The following FBN2 variants were observed in gnomAD, a reference collection of about 807,000 sequenced individuals.
FBN2 encodes the protein fibrillin-2.
In FBN2, 105 loss-of-function variants were observed where a neutral mutation model predicts 355.6. The ratio of observed to expected loss-of-function variants is 0.30; its 90% CI spans 0.25 to 0.35. The LOEUF (loss-of-function observed/expected upper bound fraction) is 0.35, where lower values mean the gene tolerates loss of function less well. FBN2 is among the 10% of genes least tolerant of loss of function. The pLI, the probability that FBN2 is intolerant of heterozygous loss-of-function variation, is 1.00. For missense variants in FBN2, 3,280 were observed against 3,758.7 expected, an observed-to-expected ratio of 0.87 and a Z score of 3.33; for synonymous variants, 1,350 against 1,301.2, an observed-to-expected ratio of 1.04 and a Z score of -0.81.
chr5:128,290,088 T>C, intron 50 of FBN2, 141 bp from the exon 51 acceptor site: 1 of 675,532 alleles, frequency 1.5e-6, no homozygotes, highest in Non-Finnish European at 2.7e-6. Context: ...CTTTTATTTT[T>C]ATGATTTATT....
At chr5:128,520,826 T>A (rs949406209) in intron 4 of FBN2, among the ~76,000 whole-genome samples, 2 of 152,180 alleles carry the variant, frequency 1.3e-5, no homozygotes, top group Non-Finnish European at 2.9e-5. Context: ...ACCCTTCTGC[T>A]TCTTTACCTA....
In FBN2 at chr5:128,265,730, G is replaced by A. The variant is rs77239144; in HGVS notation, c.7961-2074C>T. Among the ~76,000 whole-genome samples the A allele has an allele frequency of 2.8e-3, 423 of 152,326 alleles. 1 individual carries two copies. The highest frequency in any genetic ancestry group is 4.5e-3 in the Non-Finnish European group (305 of 68,034). ...ATCTGTACACTCTATCTACCAGAACGTTGTAAATTCTTTGTGACAACTGGC... is the reference window on the plus strand; with the variant it reads ...ATCTGTACACTCTATCTACCAGAACATTGTAAATTCTTTGTGACAACTGGC... On this transcript the variant is annotated intron_variant, in intron 62 of 64. Transcript: ENST00000262464.
chr5:128,414,081 G>C (rs1244294253), intron 7 of FBN2, among the ~76,000 whole-genome samples: 2 of 152,090 alleles, frequency 1.3e-5, no homozygotes, highest in East Asian at 3.9e-4. Context: ...CAAAAGCATG[G>C]TGTGTATCAA....
chr5:128,274,937 A>G (rs1394058771), intron 59 of FBN2, among the ~76,000 whole-genome samples: 1 of 152,260 alleles, frequency 6.6e-6, no homozygotes, highest in African/African-American at 2.4e-5. Flanking sequence ...GCAGAATCAT[A>G]GCAGTTTCCA....
At chr5:128,340,963 C>A (rs1038662005) in intron 25 of FBN2, among the ~76,000 whole-genome samples, 1 of 152,014 alleles carries the variant, frequency 6.6e-6, no homozygotes, top group African/African-American at 2.4e-5. Context: ...AGAGATGAAG[C>A]GCACCGGTGA....
intron 32 of FBN2, 75 bp downstream of exon 32, chr5:128,332,837 G>C (rs1750728949): frequency 7.2e-7 from 1 of 1,396,498 alleles, no homozygotes; most frequent in African/African-American, 1.4e-5. Flanking sequence ...TGAAGAGCAT[G>C]ATTCTACAAC....
chr5:128,401,999 A>T (rs1034700692), intron 8 of FBN2, among the ~76,000 whole-genome samples: 5 of 152,166 alleles, frequency 3.3e-5, no homozygotes, highest in African/African-American at 1.2e-4. Flanking sequence ...TCATTTCTTG[A>T]GCCAAAACCT....
At chr5:128,331,630 G>A (rs1167392290) in intron 32 of FBN2, among the ~76,000 whole-genome samples, 1 of 152,172 alleles carries the variant, frequency 6.6e-6, no homozygotes, top group East Asian at 1.9e-4. Flanking sequence ...GAGGGCCAGA[G>A]AGGGAACAAG....
chr5:128,452,012 G>T (rs572381594), intron 6 of FBN2, among the ~76,000 whole-genome samples: 16 of 152,118 alleles, frequency 1.1e-4, no homozygotes, highest in Non-Finnish European at 2.1e-4. Flanking sequence ...CTGCAGTTAT[G>T]TAGAATTAAT....
At chr5:128,381,825 G>A (rs568051611) in intron 11 of FBN2, among the ~76,000 whole-genome samples, 1 of 152,186 alleles carries the variant, frequency 6.6e-6, no homozygotes, top group South Asian at 2.1e-4. Flanking sequence ...CACTTATATA[G>A]ACTCTTTGAA....
intron 64 of FBN2, 101 bp downstream of exon 64, chr5:128,261,635 T>G: frequency 1.0e-6 from 1 of 980,768 alleles, no homozygotes; most frequent in East Asian, 2.4e-5. Context: ...AAATTCAAGG[T>G]ATGATTAACT....
At chr5:128,425,028 T>TC (rs1554068252) in intron 7 of FBN2, among the ~76,000 whole-genome samples, 6 of 151,944 alleles carry the variant, frequency 3.9e-5, no homozygotes, top group Non-Finnish European at 5.9e-5. Flanking sequence ...TTTTTTTTTT[T>TC]TCTCTCTCTG....
chr5:128,428,487 A>C (rs1753537917), intron 7 of FBN2, among the ~76,000 whole-genome samples: 2 of 151,832 alleles, frequency 1.3e-5, no homozygotes, highest in Admixed American at 6.6e-5. Flanking sequence ...GGGTGCCTCT[A>C]CCTCAGGGGC....
intron 7 of FBN2, among the ~76,000 whole-genome samples, chr5:128,444,362 G>A (rs907601658): frequency 2.6e-5 from 4 of 152,104 alleles, no homozygotes; most frequent in South Asian, 2.1e-4. Context: ...GTGAGCCACC[G>A]CGCCCGGCCC....
intron 6 of FBN2, among the ~76,000 whole-genome samples, chr5:128,457,319 A>G (rs1754419519): frequency 6.6e-6 from 1 of 152,194 alleles, no homozygotes; most frequent in African/African-American, 2.4e-5. Flanking sequence ...GACCTAACCT[A>G]CGATTGACTG....
chr5:128,461,644 A>T (rs1023442750), intron 6 of FBN2, among the ~76,000 whole-genome samples: 7 of 152,336 alleles, frequency 4.6e-5, no homozygotes, highest in African/African-American at 1.7e-4. Context: ...AATGTGGTAC[A>T]TATACACCAT....
intron 11 of FBN2, among the ~76,000 whole-genome samples, chr5:128,381,919 G>C (rs1752244305): frequency 6.6e-6 from 1 of 151,980 alleles, no homozygotes; most frequent in Non-Finnish European, 1.5e-5. Context: ...ACCTAGTTTA[G>C]AATGATTGTT....
intron 7 of FBN2, among the ~76,000 whole-genome samples, chr5:128,412,014 A>G (rs769776760): frequency 6.6e-6 from 1 of 152,220 alleles, no homozygotes; most frequent in Non-Finnish European, 1.5e-5. Context: ...AAGTCTGCTC[A>G]TGGGAAAAAG....
intron 23 of FBN2, among the ~76,000 whole-genome samples, chr5:128,347,714 G>A (rs1285077362): frequency 6.6e-6 from 1 of 152,092 alleles, no homozygotes; most frequent in Non-Finnish European, 1.5e-5. Context: ...AATTCAAGTG[G>A]TGACAAAAGC....
Sources: allele counts gnomAD v4.1 joint callset (sites outside exome capture counted in the v4.1 genomes callset), GRCh38; gene constraint gnomAD v4.1.1; transcripts MANE v1.5; gene names NCBI Gene and HGNC (gene_info 2026-07-23, HGNC 2026-07-21).